Variants in FOXJ3 observed in about 807,000 individuals in gnomAD.
FOXJ3 encodes the protein forkhead box J3.
Under a neutral mutation model 76.1 loss-of-function variants are expected in FOXJ3, and 22 were observed. The ratio of observed to expected loss-of-function variants is 0.29; its 90% confidence interval spans 0.21 to 0.41. The LOEUF is 0.41. Ranked by LOEUF, FOXJ3 falls within the 10% of genes least tolerant of loss-of-function variation. The probability of loss-of-function intolerance (pLI) is 1.00; values close to 1 mark genes in which losing one functional copy is unlikely to be tolerated. For missense variants in FOXJ3, 613 were observed against 762.1 expected, an observed-to-expected ratio of 0.80 and a Z score of 2.30; for synonymous variants, 269 against 261.2, an observed-to-expected ratio of 1.03 and a Z score of -0.29.
intron 8 of FOXJ3, 71 bp downstream of exon 8, chr1:42,194,819 G>GC: frequency 1.1e-6 from 1 of 930,692 alleles, no homozygotes; most frequent in Non-Finnish European, 1.6e-6. Flanking sequence ...TATAACAGCT[G>GC]CCATGTGAAA....
intron 1 of FOXJ3, among the ~76,000 whole-genome samples, chr1:42,317,669 T>C (rs1373466160): frequency 6.6e-6 from 1 of 151,856 alleles, no homozygotes; most frequent in Admixed American, 6.6e-5. Flanking sequence ...AATACGACAG[T>C]GGGTAAGTTT....
At chr1:42,324,098 T>TACACTGTATATAC (rs375589929) in intron 1 of FOXJ3, among the ~76,000 whole-genome samples, 1 of 5,836 alleles carries the variant, frequency 1.7e-4, no homozygotes, top group Non-Finnish European at 5.3e-4. Flanking sequence ...ACTGTATATA[T>TACACTGTATATAC]ACTGTGTATA....
At chr1:42,222,107 A>G (rs908032097) in intron 5 of FOXJ3, among the ~76,000 whole-genome samples, 5 of 149,062 alleles carry the variant, frequency 3.4e-5, no homozygotes, top group Admixed American at 6.7e-5. Context: ...AAGAAGAAGA[A>G]GAAATAAAAA....
At chr1:42,329,818 C>T (rs892060266) in intron 1 of FOXJ3, among the ~76,000 whole-genome samples, 2 of 152,156 alleles carry the variant, frequency 1.3e-5, no homozygotes, top group Non-Finnish European at 2.9e-5. Context: ...TAACTGTTTC[C>T]CCAACTACAT....
Position 42,268,018 on chromosome 1 carries a change from G to GA in FOXJ3, c.370-2830dup, listed in dbSNP as rs200798011. On this transcript the variant is annotated intron_variant, in intron 3 of 12. Coordinates refer to ENST00000361346, the MANE Select transcript of FOXJ3 (RefSeq NM_014947.5). ...AAATGCAATTAAAGTCCCAGAAGGA[G>GA]AAAAAAAAGGAATGGGGCAGAGGGA... 9.2e-4 allele frequency among the ~76,000 whole-genome samples: 139 copies of GA among 151,452 alleles called. 3 individuals carry two copies. The East Asian group carries it at 0.022, about 24-fold the overall frequency.
chr1:42,216,213 T>G (rs116020714), intron 5 of FOXJ3, among the ~76,000 whole-genome samples: 2,597 of 151,970 alleles, frequency 0.017, 70 homozygotes, highest in African/African-American at 0.06. Flanking sequence ...TGGTAGACAC[T>G]GGCTAAATAT....
Position 42,280,442 on chromosome 1 carries a change from A to T in FOXJ3, c.45-1770T>A, listed in dbSNP as rs72952394. ...ATATAGCATCTTCAGAGATCTTAAAAAAAAAAAAAAAAAAAAAAAAAAAAC... is the reference window on the plus strand; with the variant it reads ...ATATAGCATCTTCAGAGATCTTAAATAAAAAAAAAAAAAAAAAAAAAAAAC... On this transcript the variant is annotated intron_variant, in intron 2 of 12. Coordinates refer to ENST00000361346, the MANE Select transcript of FOXJ3 (RefSeq NM_014947.5). The T allele has an allele frequency of 1.6e-3, 1,539 of 938,458 alleles. 12 individuals carry two copies. The African/African-American group carries it at 0.027, about 17-fold the overall frequency. The allele number at this position is 938,458 out of a possible 1,614,324, so 58.1% of individuals were successfully genotyped here.
chr1:42,188,113 TTGA>T (rs1179437982), intron 11 of FOXJ3, among the ~76,000 whole-genome samples: 1 of 152,052 alleles, frequency 6.6e-6, no homozygotes, highest in African/African-American at 2.4e-5. Flanking sequence ...AGAAGTAAAC[TTGA>T]TGATAAGAGA....
At chr1:42,325,483 C>G (rs1476611234) in intron 1 of FOXJ3, among the ~76,000 whole-genome samples, 2 of 152,194 alleles carry the variant, frequency 1.3e-5, no homozygotes, top group African/African-American at 2.4e-5. Context: ...GGCAGGGACC[C>G]TGCCTTAGTC....
intron 2 of FOXJ3, among the ~76,000 whole-genome samples, chr1:42,310,440 G>T (rs1312914765): frequency 6.7e-6 from 1 of 149,230 alleles, no homozygotes; most frequent in Non-Finnish European, 1.5e-5. Flanking sequence ...CACCGCACCT[G>T]GGCTTTTTTC....
intron 2 of FOXJ3, among the ~76,000 whole-genome samples, chr1:42,308,422 C>T (rs984637363): frequency 6.6e-6 from 1 of 152,110 alleles, no homozygotes; most frequent in Non-Finnish European, 1.5e-5. Flanking sequence ...TTCCCTTCTT[C>T]GTCTCAAAAC....
intron 3 of FOXJ3, among the ~76,000 whole-genome samples, chr1:42,273,789 G>A (rs1652049213): frequency 6.6e-6 from 1 of 151,874 alleles, no homozygotes; most frequent in South Asian, 2.1e-4. Flanking sequence ...CTGGCCTGCA[G>A]AGATTCATGA....
intron 5 of FOXJ3, among the ~76,000 whole-genome samples, chr1:42,222,430 A>T (rs1471094530): frequency 6.6e-6 from 1 of 152,154 alleles, no homozygotes; most frequent in Non-Finnish European, 1.5e-5. Flanking sequence ...ACTAGTAGTT[A>T]TGCTGAGACA....
chr1:42,269,885 C>T (rs1651743479), intron 3 of FOXJ3, among the ~76,000 whole-genome samples: 1 of 152,176 alleles, frequency 6.6e-6, no homozygotes, highest in African/African-American at 2.4e-5. Context: ...ACTAGTACAA[C>T]AGCTTCCTAA....
At chr1:42,299,853 A>G (rs1268111980) in intron 2 of FOXJ3, among the ~76,000 whole-genome samples, 1 of 152,060 alleles carries the variant, frequency 6.6e-6, no homozygotes, top group East Asian at 1.9e-4. Context: ...GGTCGCAGTG[A>G]GCCAAGATCA....
intron 2 of FOXJ3, among the ~76,000 whole-genome samples, chr1:42,305,890 TA>T (rs1307855755): frequency 6.6e-6 from 1 of 152,188 alleles, no homozygotes; most frequent in Non-Finnish European, 1.5e-5. Context: ...ACACAAAAGA[TA>T]AACACTTGAG....
chr1:42,186,260 G>T (rs190925798), intron 11 of FOXJ3, among the ~76,000 whole-genome samples: 1 of 152,202 alleles, frequency 6.6e-6, no homozygotes, highest in Admixed American at 6.5e-5. Context: ...CTGAATATTT[G>T]TGAACAGACA....
intron 5 of FOXJ3, among the ~76,000 whole-genome samples, chr1:42,226,638 A>G (rs1278735739): frequency 1.3e-5 from 2 of 152,176 alleles, no homozygotes; most frequent in Admixed American, 1.3e-4. Context: ...TAGCTCTGTT[A>G]CCAGAAGACC....
At chr1:42,302,829 T>C (rs1654237021) in intron 2 of FOXJ3, among the ~76,000 whole-genome samples, 1 of 152,142 alleles carries the variant, frequency 6.6e-6, no homozygotes, top group South Asian at 2.1e-4. Context: ...TTCAGTGATG[T>C]TCTTTATTCC....
Sources: gnomAD v4.1 joint callset for allele counts (sites outside exome capture counted in the v4.1 genomes callset) on GRCh38, gnomAD v4.1.1 for gene constraint, MANE v1.5 for transcripts, NCBI Gene and HGNC (gene_info 2026-07-23, HGNC 2026-07-21) for gene names.